Variants in CDH13 observed in about 807,000 individuals in gnomAD.
The protein encoded by CDH13 is cadherin-13.
CDH13 carries 24 observed loss-of-function variants against 63.8 expected under a neutral mutation model. That is an observed-to-expected ratio of 0.38 (90% CI 0.27 to 0.53). CDH13 has a LOEUF of 0.53. Ranked by LOEUF, CDH13 falls within the 20% of genes least tolerant of loss-of-function variation. The pLI, the probability that CDH13 is intolerant of heterozygous loss-of-function variation, is 0.85. For missense variants in CDH13, 1,049 were observed against 903.1 expected (o/e 1.16, Z -2.07); for synonymous variants, 503 against 355.3 (o/e 1.42, Z -4.67).
intron 8 of CDH13, among the ~76,000 whole-genome samples, chr16:83,633,755 G>A (rs1008842932): frequency 5.3e-5 from 8 of 152,212 alleles, no homozygotes; most frequent in South Asian, 2.1e-4. Flanking sequence ...AACAGGTTGC[G>A]TTTGAATTAG....
chr16:82,727,887 G>A (rs765870764), intron 1 of CDH13, among the ~76,000 whole-genome samples: 5 of 152,026 alleles, frequency 3.3e-5, no homozygotes, highest in Non-Finnish European at 7.4e-5. Context: ...AGATCAGCCC[G>A]TTCTGTGTCA....
intron 7 of CDH13, among the ~76,000 whole-genome samples, chr16:83,584,420 C>T (rs78042700): frequency 6.6e-6 from 1 of 152,212 alleles, no homozygotes; most frequent in African/African-American, 2.4e-5. Flanking sequence ...TATTGGGACA[C>T]GATGTAATAT....
At chr16:82,926,797 C>T (rs2042316904) in intron 2 of CDH13, among the ~76,000 whole-genome samples, 1 of 152,168 alleles carries the variant, frequency 6.6e-6, no homozygotes, top group African/African-American at 2.4e-5. Flanking sequence ...CCATGTTCAT[C>T]CAGGGGTATC....
chr16:83,383,507 T>C (rs1237544824), intron 6 of CDH13, among the ~76,000 whole-genome samples: 1 of 152,188 alleles, frequency 6.6e-6, no homozygotes, highest in Non-Finnish European at 1.5e-5. Context: ...CCTTTTTCCA[T>C]GGCTCCTTGT....
rs548131569 is a variant in CDH13, at chr16:83,018,480, G to A, written c.158-13530G>A. On this transcript the variant is annotated intron_variant, in intron 2 of 13. Coordinates refer to ENST00000567109, the MANE Select transcript of CDH13 (RefSeq NM_001257.5). ...AGAGACATCATTCAATGCTGGAATT[G>A]CTTCCACAATATTCCTGATGAAGTC... 3.9e-5 allele frequency among the ~76,000 whole-genome samples: 6 copies of A among 152,264 alleles called. No individual in the cohort carries two copies. The East Asian group carries it at 1.2e-3, about 29-fold the overall frequency.
intron 2 of CDH13, 89 bp from the exon 3 acceptor site, chr16:83,031,920 TG>T: frequency 1.0e-6 from 1 of 995,986 alleles, no homozygotes; most frequent in Non-Finnish European, 1.5e-6. Context: ...GGAAACTATG[TG>T]GTAATTCACA....
intron 5 of CDH13, among the ~76,000 whole-genome samples, chr16:83,226,870 A>G (rs984175471): frequency 6.6e-6 from 1 of 152,178 alleles, no homozygotes; most frequent in Admixed American, 6.5e-5. Flanking sequence ...CATCCATTCC[A>G]GCTCCCGCCA....
chr16:83,273,847 C>T (rs957339487), intron 5 of CDH13, among the ~76,000 whole-genome samples: 1 of 152,106 alleles, frequency 6.6e-6, no homozygotes, highest in Non-Finnish European at 1.5e-5. Context: ...AATTGAGGCT[C>T]AGAGGGGTGA....
At chr16:83,697,407 G>C (rs1391639569) in intron 10 of CDH13, among the ~76,000 whole-genome samples, 1 of 152,232 alleles carries the variant, frequency 6.6e-6, no homozygotes, top group Non-Finnish European at 1.5e-5. Context: ...CGGAAGTGCT[G>C]TCCAGCGTCT....
rs563005487 is a variant in CDH13, at chr16:83,428,880, A to G, written c.782-57597A>G. Among the ~76,000 whole-genome samples the G allele has an allele frequency of 3.2e-4, 49 of 152,302 alleles. No homozygotes were observed. The South Asian group carries it at 8.3e-3, about 26-fold the overall frequency. On this transcript the variant is annotated intron_variant, in intron 6 of 13. Transcript: ENST00000567109. The stretch of plus-strand genomic sequence containing the variant: ...TGCATTCAGGCACTATTCTTGGTTT[A>G]TTTGTTAAAATAACTGTTGCACTGG...
chr16:83,344,201 T>C (rs1001093437), intron 5 of CDH13, among the ~76,000 whole-genome samples: 8 of 152,220 alleles, frequency 5.3e-5, no homozygotes, highest in African/African-American at 1.9e-4. Flanking sequence ...TGCCATGACA[T>C]AATTCTTCGT....
chr16:83,481,928 G>A (rs2073775757), intron 6 of CDH13, among the ~76,000 whole-genome samples: 1 of 152,192 alleles, frequency 6.6e-6, no homozygotes, highest in Non-Finnish European at 1.5e-5. Context: ...GGAGTCCAGT[G>A]TGTGGGACTG....
At chr16:83,711,017 C>T (rs1363717766) in intron 10 of CDH13, among the ~76,000 whole-genome samples, 1 of 152,210 alleles carries the variant, frequency 6.6e-6, no homozygotes, top group Non-Finnish European at 1.5e-5. Flanking sequence ...GGCTGCTCAG[C>T]ATGGATCAGT....
In CDH13 at chr16:82,791,446, G is replaced by T. The variant is rs189457801; in HGVS notation, c.46-66916G>T. 5.9e-5 allele frequency among the ~76,000 whole-genome samples: 9 copies of T among 152,306 alleles called. No homozygotes were observed. The East Asian group carries it at 7.7e-4, about 13-fold the overall frequency. On this transcript the variant is annotated intron_variant, in intron 1 of 13. Coordinates refer to ENST00000567109, the MANE Select transcript of CDH13 (RefSeq NM_001257.5). The stretch of plus-strand genomic sequence containing the variant: ...ACACAGGGGGAGCGACAATGATCGG[G>T]ATATAAACCCAGGCATTCGAGCAGG...
rs1302766160 is a variant in CDH13, at chr16:83,587,959, T to G, written c.961-14495T>G. 2.0e-5 allele frequency among the ~76,000 whole-genome samples: 3 copies of G among 152,138 alleles called. No individual in the cohort carries two copies. The East Asian group carries it at 5.8e-4, about 29-fold the overall frequency. On this transcript the variant is annotated intron_variant, in intron 7 of 13. Transcript: ENST00000567109. The stretch of plus-strand genomic sequence containing the variant: ...TCTCTTATACCTCTTTTTTTTTTTT[T>G]TGAAAGATCATTTCCGTCCAAACCT...
At chr16:82,640,392 T>G (rs375777841) in intron 1 of CDH13, among the ~76,000 whole-genome samples, 8 of 152,210 alleles carry the variant, frequency 5.3e-5, no homozygotes, top group East Asian at 3.8e-4. Flanking sequence ...GTTGGGAATT[T>G]ACGAATATGG....
At chr16:83,015,677 GTATATATATATATA>G (rs71148803) in intron 2 of CDH13, among the ~76,000 whole-genome samples, 1,494 of 37,584 alleles carry the variant, frequency 0.04, 70 homozygotes, top group Non-Finnish European at 0.044. Flanking sequence ...GTGTGTGTAT[GTATATATATATATA>G]TATATATATA....
intron 7 of CDH13, among the ~76,000 whole-genome samples, chr16:83,547,918 A>G (rs2075418050): frequency 6.6e-6 from 1 of 152,152 alleles, no homozygotes; most frequent in Non-Finnish European, 1.5e-5. Flanking sequence ...GGGAAATGGT[A>G]TAAGACAGCA....
chr16:83,086,511 AG>A (rs2151573824), intron 3 of CDH13, among the ~76,000 whole-genome samples: 1 of 152,318 alleles, frequency 6.6e-6, no homozygotes, highest in East Asian at 1.9e-4. Context: ...TCAAGGATTG[AG>A]CCAAGCGGAA....
Sources: gnomAD v4.1 joint callset for allele counts (sites outside exome capture counted in the v4.1 genomes callset) on GRCh38, gnomAD v4.1.1 for gene constraint, MANE v1.5 for transcripts, NCBI Gene and HGNC (gene_info 2026-07-23, HGNC 2026-07-21) for gene names.